NFASC: variants seen among roughly 807,000 people sequenced by gnomAD.
The protein encoded by NFASC is neurofascin homolog.
A neutral mutation model predicts 147.5 loss-of-function variants in NFASC; 43 were observed. The ratio of observed to expected loss-of-function variants is 0.29; its 90% CI spans 0.23 to 0.38. NFASC has a LOEUF of 0.38. NFASC is among the 10% of genes least tolerant of loss of function. NFASC has a pLI of 1.00. For synonymous variants in NFASC, 622 were observed against 665.5 expected, an observed-to-expected ratio of 0.93 and a Z score of 1.01; for missense variants, 1,320 against 1,689.0, an observed-to-expected ratio of 0.78 and a Z score of 3.83.
chr1:204,927,189 C>G (rs1364001378), intron 2 of NFASC, among the ~76,000 whole-genome samples: 1 of 152,120 alleles, frequency 6.6e-6, no homozygotes, highest in South Asian at 2.1e-4. Flanking sequence ...TTTTTATCGC[C>G]ACTCCCAGCC....
intron 2 of NFASC, among the ~76,000 whole-genome samples, chr1:204,935,292 A>T (rs2092727673): frequency 6.6e-6 from 1 of 152,258 alleles, no homozygotes; most frequent in Admixed American, 6.5e-5. Context: ...CACCCACATG[A>T]GAACAAGCGG....
In NFASC at chr1:204,936,194, C is replaced by CTTTTTTTTTTTTTTTTT. The variant is rs1288327632; in HGVS notation, c.-90-8029_-90-8028insTTTTTTTTTTTTTTTTT. 3.1e-5 allele frequency among the ~76,000 whole-genome samples: 2 copies of CTTTTTTTTTTTTTTTTT among 63,814 alleles called. 1 individual carries two copies. The highest frequency in any genetic ancestry group is 6.4e-5 in the Non-Finnish European group (2 of 31,374). 41.9% of individuals were successfully genotyped at this position (63,814 alleles called of 152,430 possible). On this transcript the variant is annotated intron_variant, in intron 2 of 29. Coordinates refer to ENST00000339876, the MANE Select transcript of NFASC (RefSeq NM_001005388.3). ...GCATTAACAGATTCCCTCTCTCTCT[C>CTTTTTTTTTTTTTTTTT]TTTCTTTTTCTTTTTTTTTTTTTTT... is the stretch of plus-strand genomic sequence containing the variant.
Position 204,981,993 on chromosome 1 carries a change from T to C in NFASC, c.2443T>C (p.Ser815Pro). The change falls in exon 21 of 30, where the codon TCC becomes CCC. Residue 815 changes from serine (S) to proline (P), a missense_variant. Coordinates refer to ENST00000339876, the MANE Select transcript of NFASC (RefSeq NM_001005388.3). The part of the protein sequence containing the change: ...NDFGKGPEPE[S>P]VIGYSGEDLP... ...CTTCGGGAAGGGCCCTGAGCCAGAG[T>C]CCGTCATCGGTTACTCCGGAGAAGA... The C allele has an allele frequency of 6.3e-7, 1 of 1,591,618 alleles. No individual in the cohort carries two copies. Among genetic ancestry groups the C allele is most frequent in the Non-Finnish European group, 8.6e-7 (1 of 1,169,244 alleles).
chr1:204,903,159 C>G (rs1558040844), intron 1 of NFASC, among the ~76,000 whole-genome samples: 1 of 152,192 alleles, frequency 6.6e-6, no homozygotes, highest in Non-Finnish European at 1.5e-5. Flanking sequence ...TTTTAATACT[C>G]TGTCCTCAGC....
chr1:204,898,673 G>A (rs1266276071), intron 1 of NFASC, among the ~76,000 whole-genome samples: 2 of 152,178 alleles, frequency 1.3e-5, no homozygotes, highest in East Asian at 1.9e-4. Flanking sequence ...CGGGGAGACG[G>A]GGGAGCAGAG....
chr1:204,929,918 C>T lies in NFASC; in HGVS notation c.-91+9178C>T, dbSNP rs768781739. ...CCTGTGAGCTGGAAGGAATGGAACA[C>T]GGCTGGGTCACCATCTGTTGCATCG... is the stretch of plus-strand genomic sequence containing the variant. On this transcript the variant is annotated intron_variant, in intron 2 of 29. Transcript: ENST00000339876. 1.2e-4 allele frequency among the ~76,000 whole-genome samples: 19 copies of T among 152,166 alleles called. 1 individual carries two copies. Among genetic ancestry groups the T allele is most frequent in the South Asian group, 2.1e-4 (1 of 4,826 alleles).
intron 1 of NFASC, among the ~76,000 whole-genome samples, chr1:204,914,314 C>T (rs576985383): frequency 3.9e-5 from 6 of 152,272 alleles, no homozygotes; most frequent in Non-Finnish European, 8.8e-5. Flanking sequence ...GTAATTGAAT[C>T]ATGGGGGCAG....
rs546333623 is a variant in NFASC at position 204,990,790 on chromosome 1, C to T, written c.2768-502C>T. Among the ~76,000 whole-genome samples, 25 of 152,282 alleles carry T rather than the reference C, an allele frequency of 1.6e-4. 1 individual carries two copies. The South Asian group carries it at 5.2e-3, about 32-fold the overall frequency. ...CTCTCCTATCCATCCCACTATTCAG[C>T]ATCTTCCCCCAAAGACAGGAACCAT... On this transcript the variant is annotated intron_variant, in intron 23 of 29. Coordinates refer to ENST00000339876, the MANE Select transcript of NFASC (RefSeq NM_001005388.3).
intron 1 of NFASC, among the ~76,000 whole-genome samples, chr1:204,868,175 C>T (rs1197339797): frequency 2.6e-5 from 4 of 152,250 alleles, no homozygotes; most frequent in Non-Finnish European, 4.4e-5. Context: ...TCCAGCTGGA[C>T]GGCCTCTGGC....
chr1:204,846,316 C>T (rs1378769590), intron 1 of NFASC, among the ~76,000 whole-genome samples: 1 of 152,128 alleles, frequency 6.6e-6, no homozygotes, highest in African/African-American at 2.4e-5. Flanking sequence ...ATCCATTTCT[C>T]ATAGTAAGCC....
intron 7 of NFASC, among the ~76,000 whole-genome samples, chr1:204,956,552 A>G (rs2094440579): frequency 1.3e-5 from 2 of 152,120 alleles, no homozygotes; most frequent in African/African-American, 4.8e-5. Context: ...ATCCCCTTCT[A>G]ACTGGTGTGT....
intron 29 of NFASC, among the ~76,000 whole-genome samples, chr1:205,014,933 T>C (rs2096322451): frequency 6.6e-6 from 1 of 152,142 alleles, no homozygotes; most frequent in Admixed American, 6.5e-5. Flanking sequence ...TTCCGCTTCC[T>C]GCACAAACTC....
intron 1 of NFASC, among the ~76,000 whole-genome samples, chr1:204,885,911 G>T (rs1339546167): frequency 6.6e-6 from 1 of 152,208 alleles, no homozygotes; most frequent in African/African-American, 2.4e-5. Flanking sequence ...CATGAAGTGA[G>T]TGTTGCCCCT....
At chr1:204,985,869 C>G in intron 21 of NFASC, 1 of 1,422,134 alleles carries the variant, frequency 7.0e-7, no homozygotes, top group Non-Finnish European at 9.8e-7. Flanking sequence ...TAACCCAGCC[C>G]TGCCTGCCTG....
intron 1 of NFASC, among the ~76,000 whole-genome samples, chr1:204,904,320 A>G (rs905735065): frequency 2.6e-5 from 4 of 151,956 alleles, no homozygotes; most frequent in Admixed American, 6.6e-5. Flanking sequence ...CTGGTCTCGA[A>G]CTCCCGGACT....
chr1:204,849,727 G>A (rs1162872335), intron 1 of NFASC, among the ~76,000 whole-genome samples: 2 of 152,194 alleles, frequency 1.3e-5, no homozygotes, highest in African/African-American at 4.8e-5. Flanking sequence ...CCCCCTGGAA[G>A]TGCCCGCAGT....
chr1:204,927,625 G>A (rs1261790578), intron 2 of NFASC, among the ~76,000 whole-genome samples: 1 of 151,918 alleles, frequency 6.6e-6, no homozygotes, highest in Non-Finnish European at 1.5e-5. Context: ...TCTACCACCT[G>A]GGTCCCTCCT....
intron 1 of NFASC, among the ~76,000 whole-genome samples, chr1:204,845,190 C>A (rs1342759545): frequency 6.6e-6 from 1 of 151,784 alleles, no homozygotes; most frequent in African/African-American, 2.4e-5. Flanking sequence ...GGAGCTGGAA[C>A]TTAAAGTGGC....
At chr1:204,857,890 G>C (rs1277599792) in intron 1 of NFASC, among the ~76,000 whole-genome samples, 1 of 149,444 alleles carries the variant, frequency 6.7e-6, no homozygotes, top group Non-Finnish European at 1.5e-5. Flanking sequence ...CTCTGCAAAT[G>C]TCTGTGTCCT....
Sources: gnomAD v4.1 joint callset for allele counts (sites outside exome capture counted in the v4.1 genomes callset) on GRCh38, gnomAD v4.1.1 for gene constraint, MANE v1.5 for transcripts, NCBI Gene and HGNC (gene_info 2026-07-23, HGNC 2026-07-21) for gene names.